The following EGFR variants were observed in gnomAD, a reference collection of about 807,000 sequenced individuals.
EGFR encodes the protein epidermal growth factor receptor.
A neutral mutation model predicts 143.0 loss-of-function variants in EGFR; 58 were observed. The observed-to-expected ratio is 0.41, with a 90% CI of 0.33 to 0.50. The LOEUF (loss-of-function observed/expected upper bound fraction) is 0.50. Ranked by LOEUF, EGFR falls within the 20% of genes least tolerant of loss-of-function variation. The pLI, the probability that EGFR is intolerant of heterozygous loss-of-function variation, is 0.39. For synonymous variants in EGFR, 613 were observed against 594.4 expected (o/e 1.03, Z -0.45); for missense variants, 1,307 against 1,579.0 (o/e 0.83, Z 2.92).
At chr7:55,029,958 C>T (rs1163146244) in intron 1 of EGFR, among the ~76,000 whole-genome samples, 1 of 152,310 alleles carries the variant, frequency 6.6e-6, no homozygotes, top group East Asian at 1.9e-4. Context: ...ATAATAACAA[C>T]ACCTCGCATT....
chr7:55,091,416 G>A (rs79868943), intron 1 of EGFR, among the ~76,000 whole-genome samples: 3,074 of 152,290 alleles, frequency 0.02, 54 homozygotes, highest in South Asian at 0.07. Context: ...AACCAGCCAG[G>A]GAATGAGAGG....
intron 19 of EGFR, among the ~76,000 whole-genome samples, chr7:55,176,849 GAT>G (rs1786614411): frequency 1.0e-5 from 1 of 95,484 alleles, no homozygotes; most frequent in Non-Finnish European, 2.2e-5. Context: ...TATTTAGAGA[GAT>G]ATATATTTAG....
At chr7:55,059,983 G>C (rs979169256) in intron 1 of EGFR, among the ~76,000 whole-genome samples, 30 of 152,330 alleles carry the variant, frequency 2.0e-4, no homozygotes, top group African/African-American at 7.2e-4. Context: ...TGAAGGCAGA[G>C]AGGTCCTCTC....
chr7:55,139,217 G>T (rs548928007), intron 1 of EGFR, among the ~76,000 whole-genome samples: 2 of 152,270 alleles, frequency 1.3e-5, no homozygotes, highest in East Asian at 3.9e-4. Context: ...GCTTGGAGAA[G>T]TACTTCAAGG....
chr7:55,058,393 CAA>C (rs938175363), intron 1 of EGFR, among the ~76,000 whole-genome samples: 6 of 117,590 alleles, frequency 5.1e-5, no homozygotes, highest in Admixed American at 1.8e-4. Context: ...GACTCTGTCT[CAA>C]AAAAAAAAAA....
chr7:55,092,613 G>T (rs1791193039), intron 1 of EGFR, among the ~76,000 whole-genome samples: 1 of 152,186 alleles, frequency 6.6e-6, no homozygotes, highest in South Asian at 2.1e-4. Flanking sequence ...TTTGAAGAAA[G>T]CTGTTTTATT....
chr7:55,117,714 G>A (rs774364225), intron 1 of EGFR, among the ~76,000 whole-genome samples: 1 of 152,216 alleles, frequency 6.6e-6, no homozygotes, highest in East Asian at 1.9e-4. Context: ...CAACGAAGGA[G>A]CAAGGAAGAC....
chr7:55,117,735 G>A (rs139954599), intron 1 of EGFR, among the ~76,000 whole-genome samples: 119 of 152,340 alleles, frequency 7.8e-4, no homozygotes, highest in African/African-American at 2.6e-3. Context: ...CAAGTCTCCC[G>A]AGGGTTTGCA....
intron 1 of EGFR, among the ~76,000 whole-genome samples, chr7:55,095,790 A>G (rs772269397): frequency 9.9e-5 from 15 of 151,708 alleles, no homozygotes; most frequent in Non-Finnish European, 2.1e-4. Context: ...ACAGAGACAC[A>G]CAGATACACA....
Position 55,174,340 on chromosome 7 carries a change from G to A in EGFR, c.2184+297G>A, listed in dbSNP as rs17290357. ...GGAGGAGGGCCGCCTCTCACCGCAC[G>A]GCATCAGAATGCAGCCCAGCTGAAA... On this transcript the variant is annotated intron_variant, in intron 18 of 27. Transcript: ENST00000275493. Among the ~76,000 whole-genome samples, 2,915 of 152,302 alleles carry A rather than the reference G, an allele frequency of 0.019. 111 individuals carry two copies. Among genetic ancestry groups the A allele is most frequent in the African/African-American group, 0.067 (2,775 of 41,554 alleles).
intron 1 of EGFR, among the ~76,000 whole-genome samples, chr7:55,121,834 AATAT>A (rs1793225220): frequency 6.6e-6 from 1 of 152,198 alleles, no homozygotes; most frequent in African/African-American, 2.4e-5. Flanking sequence ...TCATTTAACA[AATAT>A]ATATGGCCTC....
intron 1 of EGFR, among the ~76,000 whole-genome samples, chr7:55,100,121 C>T (rs866366900): frequency 2.0e-5 from 3 of 152,208 alleles, no homozygotes; most frequent in South Asian, 2.1e-4. Context: ...TGCTCCTCAG[C>T]GGAGACTGTG....
At chr7:55,156,419 G>A in intron 8 of EGFR, 114 bp from the exon 9 acceptor site, 3 of 1,413,338 alleles carry the variant, frequency 2.1e-6, no homozygotes, top group Non-Finnish European at 3.0e-6. Flanking sequence ...GGATGATGTG[G>A]CAGTGGCGGT....
rs757860242 is a variant in EGFR, at chr7:55,173,887, G to A, written c.2062-34G>A. The A allele has an allele frequency of 9.6e-5, 155 of 1,614,194 alleles. 3 individuals are homozygous for A. The South Asian group carries it at 1.7e-3, about 17-fold the overall frequency. On this transcript the variant is annotated intron_variant, in intron 17 of 27. Coordinates refer to ENST00000275493, the MANE Select transcript of EGFR (RefSeq NM_005228.5). The stretch of plus-strand genomic sequence containing the variant: ...GCTTTCCAGCATGGTGAGGGCTGAG[G>A]TGACCCTTGTCTCTGTGTTCTTGTC...
intron 20 of EGFR, 90 bp from the exon 21 acceptor site, chr7:55,191,629 A>G (rs2128964164): frequency 6.4e-7 from 1 of 1,571,948 alleles, no homozygotes; most frequent in Non-Finnish European, 8.7e-7. Flanking sequence ...GGAGAGGCTC[A>G]GAGCCTGGCA....
chr7:55,145,615 T>G (rs1346571830), intron 3 of EGFR, among the ~76,000 whole-genome samples: 1 of 152,208 alleles, frequency 6.6e-6, no homozygotes, highest in African/African-American at 2.4e-5. Flanking sequence ...TTTCCCACGT[T>G]GGTACTCTGT....
chr7:55,102,118 C>A (rs1389104920), intron 1 of EGFR, among the ~76,000 whole-genome samples: 2 of 152,142 alleles, frequency 1.3e-5, no homozygotes, highest in African/African-American at 4.8e-5. Flanking sequence ...CCCTGCAGGT[C>A]CCTGTGCTCC....
At chr7:55,141,076 G>C (rs1794431466) in intron 1 of EGFR, among the ~76,000 whole-genome samples, 1 of 152,204 alleles carries the variant, frequency 6.6e-6, no homozygotes, top group Non-Finnish European at 1.5e-5. Flanking sequence ...TTTTGGCCAT[G>C]GTTTGTGCTC....
chr7:55,185,081 T>C (rs1050790310), intron 20 of EGFR, among the ~76,000 whole-genome samples: 1 of 152,150 alleles, frequency 6.6e-6, no homozygotes, highest in African/African-American at 2.4e-5. Flanking sequence ...TGGCCACTGT[T>C]ATGCAAGTTT....
Sources: gnomAD v4.1 joint callset for allele counts (sites outside exome capture counted in the v4.1 genomes callset) on GRCh38, gnomAD v4.1.1 for gene constraint, MANE v1.5 for transcripts, NCBI Gene and HGNC (gene_info 2026-07-23, HGNC 2026-07-21) for gene names.